The following LOC128462377 variants were observed in gnomAD, a reference collection of about 807,000 sequenced individuals.
At chr16:89,326,777 C>T in the LOC128462377 span, among the ~76,000 whole-genome samples, 1 of 152,114 alleles carries the variant, frequency 6.6e-6, no homozygotes, top group African/African-American at 2.4e-5. Flanking sequence ...AAAACACAAC[C>T]GGGGCATGAA....
the LOC128462377 span, among the ~76,000 whole-genome samples, chr16:89,363,317 G>A: frequency 6.6e-6 from 1 of 152,034 alleles, no homozygotes; most frequent in Non-Finnish European, 1.5e-5. Flanking sequence ...TGTTATTTAT[G>A]CTTAAATGCC....
chr16:89,405,366 CA>C, the LOC128462377 span, among the ~76,000 whole-genome samples: 1 of 152,078 alleles, frequency 6.6e-6, no homozygotes, highest in Non-Finnish European at 1.5e-5. Context: ...CTCTGTCACG[CA>C]GGCTAGAGTG....
chr16:89,398,280 G>A, the LOC128462377 span, among the ~76,000 whole-genome samples: 77 of 57,348 alleles, frequency 1.3e-3, no homozygotes, highest in East Asian at 3.4e-3. Flanking sequence ...GATTACCTGT[G>A]ACCTCAGCAC....
chr16:89,331,159 G>A, the LOC128462377 span, among the ~76,000 whole-genome samples: 1 of 152,156 alleles, frequency 6.6e-6, no homozygotes, highest in African/African-American at 2.4e-5. Flanking sequence ...TCGCCATGTT[G>A]GCCAGGCTGG....
the LOC128462377 span, among the ~76,000 whole-genome samples, chr16:89,362,767 G>A: frequency 3.3e-4 from 51 of 152,258 alleles, no homozygotes; most frequent in African/African-American, 1.2e-3. Context: ...CAAGCATTAG[G>A]TCACGGCCTG....
the LOC128462377 span, among the ~76,000 whole-genome samples, chr16:89,367,265 G>A: frequency 3.9e-5 from 6 of 152,220 alleles, no homozygotes; most frequent in East Asian, 5.8e-4. Flanking sequence ...TGGGTAGAGC[G>A]CCGCTCCAGA....
the LOC128462377 span, among the ~76,000 whole-genome samples, chr16:89,396,213 C>T: frequency 6.6e-6 from 1 of 152,202 alleles, no homozygotes; most frequent in African/African-American, 2.4e-5. Context: ...CTGGAAGAGA[C>T]AGGTGCTGCT....
chr16:89,355,921 G>C, the LOC128462377 span, among the ~76,000 whole-genome samples: 2 of 152,148 alleles, frequency 1.3e-5, no homozygotes, highest in African/African-American at 2.4e-5. Context: ...CGGGAGACCA[G>C]GGCTCAGGAA....
the LOC128462377 span, among the ~76,000 whole-genome samples, chr16:89,339,424 C>T: frequency 1.3e-5 from 2 of 152,198 alleles, no homozygotes; most frequent in Admixed American, 6.5e-5. Flanking sequence ...TAGCATCACA[C>T]AGGTCAGATC....
At chr16:89,397,465 A>C in the LOC128462377 span, among the ~76,000 whole-genome samples, 1 of 152,342 alleles carries the variant, frequency 6.6e-6, no homozygotes, top group African/African-American at 2.4e-5. Context: ...AGGGGGACCC[A>C]CAGGAAGCAG....
chr16:89,397,246 C>A, the LOC128462377 span, among the ~76,000 whole-genome samples: 1 of 152,190 alleles, frequency 6.6e-6, no homozygotes, highest in Non-Finnish European at 1.5e-5. Flanking sequence ...GGAGACACAG[C>A]CATCAAGGCA....
the LOC128462377 span, among the ~76,000 whole-genome samples, chr16:89,401,879 G>T: frequency 8.6e-5 from 13 of 150,540 alleles, no homozygotes; most frequent in African/African-American, 3.2e-4. Flanking sequence ...CCCAGAACCC[G>T]CCGGGCACAC....
chr16:89,370,091 C>A, the LOC128462377 span, among the ~76,000 whole-genome samples: 8 of 152,306 alleles, frequency 5.3e-5, no homozygotes, highest in Admixed American at 5.2e-4. Flanking sequence ...GAATCTCAGG[C>A]ATGGCAGGAA....
the LOC128462377 span, among the ~76,000 whole-genome samples, chr16:89,374,801 G>A: frequency 3.9e-5 from 6 of 152,216 alleles, no homozygotes; most frequent in Middle Eastern, 3.4e-3. Flanking sequence ...AGCTGACCCC[G>A]AACACCACGG....
At chr16:89,324,553 A>C in the LOC128462377 span, 1 of 455,596 alleles carries the variant, frequency 2.2e-6, no homozygotes, top group Non-Finnish European at 4.4e-6. Context: ...GGACGGGGAG[A>C]GGCCGACGAA....
chr16:89,361,061 C>T, the LOC128462377 span, among the ~76,000 whole-genome samples: 2 of 152,184 alleles, frequency 1.3e-5, no homozygotes, highest in Admixed American at 1.3e-4. Context: ...ATCAGCCCAC[C>T]CCAGCCCCTG....
chr16:89,388,293 A>ATGTTTTTTTTTTT, the LOC128462377 span, among the ~76,000 whole-genome samples: 2 of 85,266 alleles, frequency 2.3e-5, no homozygotes, highest in African/African-American at 4.3e-5. Flanking sequence ...CATGAGGCTG[A>ATGTTTTTTTTTTT]TTTTTTTTTT....
At chr16:89,382,904 G>C in the LOC128462377 span, among the ~76,000 whole-genome samples, 1 of 151,634 alleles carries the variant, frequency 6.6e-6, no homozygotes, top group Non-Finnish European at 1.5e-5. Context: ...GCAGCAGCAT[G>C]ATCTCGGCTC....
chr16:89,350,410 C>T, the LOC128462377 span, among the ~76,000 whole-genome samples: 5 of 152,136 alleles, frequency 3.3e-5, no homozygotes, highest in African/African-American at 1.2e-4. Flanking sequence ...AACTAGGAAA[C>T]AACGGACATG....
Sources: allele counts gnomAD v4.1 joint callset (sites outside exome capture counted in the v4.1 genomes callset), GRCh38; gene constraint gnomAD v4.1.1; transcripts MANE v1.5.